Variants in TRIO observed in about 807,000 individuals in gnomAD.
TRIO encodes trio Rho guanine nucleotide exchange factor.
Under a neutral mutation model 351.9 loss-of-function variants are expected in TRIO, and 58 were observed. The ratio of observed to expected loss-of-function variants is 0.16; its 90% confidence interval spans 0.13 to 0.21. TRIO has a LOEUF of 0.21. Among genes scored for constraint, TRIO ranks in the 10% least tolerant of loss-of-function variants. The pLI is 1.00. For missense variants in TRIO, 3,201 were observed against 4,027.8 expected (o/e 0.79, Z 5.56); for synonymous variants, 1,758 against 1,595.7 (o/e 1.10, Z -2.42).
In TRIO at chr5:14,182,454, A is replaced by G. The variant is rs115816078; in HGVS notation, c.157+38572A>G. Among the ~76,000 whole-genome samples the G allele has an allele frequency of 9.5e-3, 1,447 of 152,340 alleles. 11 individuals carry two copies. Among genetic ancestry groups the G allele is most frequent in the Non-Finnish European group, 0.015 (991 of 68,034 alleles). On this transcript the variant is annotated intron_variant, in intron 1 of 56. Transcript: ENST00000344204. ...GTGGAATAGCAAAGTTTTAGAAATG[A>G]TTGCCTTATCAAATACAATGCAAGT...
chr5:14,386,385 A>G (rs30792), intron 21 of TRIO, among the ~76,000 whole-genome samples: 129,064 of 152,100 alleles, frequency 0.85, 54,941 homozygotes, highest in African/African-American at 0.87. Context: ...GGATCTTGAC[A>G]GCTGACTTCA....
At position 14,404,402 on chromosome 5, in the gene TRIO, C is replaced by T. The variant is rs748707797; in HGVS notation, c.4717-1446C>T. 6.4e-4 allele frequency among the ~76,000 whole-genome samples: 98 copies of T among 152,090 alleles called. 1 individual carries two copies. Among genetic ancestry groups the T allele is most frequent in the African/African-American group, 2.2e-3 (92 of 41,462 alleles). The stretch of plus-strand genomic sequence containing the variant: ...CTGAAAAACTGACATCTTTTTTCCT[C>T]GTTTAATTTCTTTAAGGTTAGGAGA... On this transcript the variant is annotated intron_variant, in intron 31 of 56. Coordinates refer to ENST00000344204, the MANE Select transcript of TRIO (RefSeq NM_007118.4).
At chr5:14,218,024 T>A (rs2152203913) in intron 1 of TRIO, among the ~76,000 whole-genome samples, 1 of 152,366 alleles carries the variant, frequency 6.6e-6, no homozygotes, top group South Asian at 2.1e-4. Context: ...AATAAAAGTC[T>A]TATTAATGAT....
chr5:14,400,825 C>G, intron 30 of TRIO, 138 bp from the exon 31 acceptor site: 1 of 695,878 alleles, frequency 1.4e-6, no homozygotes. Flanking sequence ...TTATAACTCA[C>G]ATGACAGCTG....
intron 11 of TRIO, among the ~76,000 whole-genome samples, chr5:14,356,277 G>C (rs532670941): frequency 5.3e-5 from 8 of 152,276 alleles, no homozygotes; most frequent in Admixed American, 3.9e-4. Flanking sequence ...AAAAATGGAA[G>C]TCAGTTTCCC....
intron 7 of TRIO, among the ~76,000 whole-genome samples, chr5:14,300,971 G>C (rs1384079689): frequency 6.6e-6 from 1 of 152,150 alleles, no homozygotes; most frequent in African/African-American, 2.4e-5. Flanking sequence ...CTGAGGCTCC[G>C]TCAAGAGGTG....
chr5:14,397,681 A>C (rs1439758162), intron 29 of TRIO, among the ~76,000 whole-genome samples: 1 of 152,232 alleles, frequency 6.6e-6, no homozygotes, highest in Non-Finnish European at 1.5e-5. Context: ...CCTGTTGTGC[A>C]AAGCTTGGTT....
At chr5:14,392,325 A>G (rs1272076788) in intron 27 of TRIO, among the ~76,000 whole-genome samples, 1 of 152,130 alleles carries the variant, frequency 6.6e-6, no homozygotes, top group African/African-American at 2.4e-5. Context: ...CAACAAACAT[A>G]TGAAAAACTC....
At chr5:14,324,863 A>G (rs1342923630) in intron 9 of TRIO, among the ~76,000 whole-genome samples, 3 of 152,230 alleles carry the variant, frequency 2.0e-5, no homozygotes, top group Non-Finnish European at 4.4e-5. Flanking sequence ...GGCTATTTCT[A>G]TAGCTGAATG....
At chr5:14,326,116 G>T (rs1740360675) in intron 9 of TRIO, among the ~76,000 whole-genome samples, 1 of 152,154 alleles carries the variant, frequency 6.6e-6, no homozygotes. Flanking sequence ...AGTCACAGAG[G>T]GCCCTGCCTG....
intron 36 of TRIO, among the ~76,000 whole-genome samples, chr5:14,463,162 A>G (rs1015838365): frequency 3.3e-5 from 5 of 152,228 alleles, no homozygotes; most frequent in Non-Finnish European, 5.9e-5. Flanking sequence ...ATGTGGCTCA[A>G]TGCATTTTTA....
chr5:14,317,566 G>A (rs1251833563), intron 9 of TRIO, among the ~76,000 whole-genome samples: 1 of 152,206 alleles, frequency 6.6e-6, no homozygotes, highest in African/African-American at 2.4e-5. Flanking sequence ...ATGTGAAGGT[G>A]AGTGAGTTTT....
intron 11 of TRIO, among the ~76,000 whole-genome samples, chr5:14,343,576 A>G (rs1449203358): frequency 6.6e-6 from 1 of 152,092 alleles, no homozygotes; most frequent in East Asian, 1.9e-4. Flanking sequence ...ACTTTGTCGC[A>G]TGTGTCTGTA....
At chr5:14,263,081 C>T (rs1422773786) in intron 1 of TRIO, among the ~76,000 whole-genome samples, 2 of 152,174 alleles carry the variant, frequency 1.3e-5, no homozygotes, top group Non-Finnish European at 1.5e-5. Flanking sequence ...ACTACTTCTT[C>T]CACACTTCGC....
intron 1 of TRIO, among the ~76,000 whole-genome samples, chr5:14,202,293 G>GTTTTTTT (rs1561196197): frequency 8.7e-5 from 3 of 34,350 alleles, no homozygotes; most frequent in African/African-American, 3.0e-4. Context: ...ATATTTTTGT[G>GTTTTTTT]ATTTTTTTTT....
intron 31 of TRIO, among the ~76,000 whole-genome samples, chr5:14,405,224 G>A (rs528668435): frequency 7.9e-5 from 12 of 152,282 alleles, no homozygotes; most frequent in South Asian, 2.1e-4. Flanking sequence ...ATCTGCCATC[G>A]GGGATTGGCA....
At chr5:14,365,867 A>G (rs1022665675) in intron 15 of TRIO, among the ~76,000 whole-genome samples, 1 of 152,140 alleles carries the variant, frequency 6.6e-6, no homozygotes, top group East Asian at 1.9e-4. Flanking sequence ...CATCACCTCC[A>G]TATCCCAAAT....
chr5:14,407,091 TAA>T (rs767907682), intron 33 of TRIO, among the ~76,000 whole-genome samples: 1 of 152,034 alleles, frequency 6.6e-6, no homozygotes, highest in Non-Finnish European at 1.5e-5. Flanking sequence ...AAGATGGAAA[TAA>T]AGAGTGTTGC....
At chr5:14,448,540 G>C (rs1287108046) in intron 34 of TRIO, among the ~76,000 whole-genome samples, 1 of 152,226 alleles carries the variant, frequency 6.6e-6, no homozygotes, top group Non-Finnish European at 1.5e-5. Flanking sequence ...GTGCCACATT[G>C]GGGCTCGATG....
Sources: gnomAD v4.1 joint callset for allele counts (sites outside exome capture counted in the v4.1 genomes callset) on GRCh38, gnomAD v4.1.1 for gene constraint, MANE v1.5 for transcripts, NCBI Gene and HGNC (gene_info 2026-07-23, HGNC 2026-07-21) for gene names.